Variants in URI1 observed in about 807,000 individuals in gnomAD.
The protein encoded by URI1 is URI1 prefoldin like chaperone, also known as unconventional prefoldin RPB5 interactor 1.
URI1 carries 39 observed loss-of-function variants against 60.2 expected under a neutral mutation model. The observed-to-expected ratio is 0.65, with a 90% CI of 0.50 to 0.85. The LOEUF is 0.85. URI1 is among the 40% of genes least tolerant of loss of function. The probability of loss-of-function intolerance (pLI) is 0.00; values close to 1 mark genes in which losing one functional copy is unlikely to be tolerated. For missense variants in URI1, 691 were observed against 665.9 expected, an observed-to-expected ratio of 1.04 and a Z score of -0.42; for synonymous variants, 251 against 236.8, an observed-to-expected ratio of 1.06 and a Z score of -0.55.
At chr19:29,979,606 G>T (rs2055567408) in intron 2 of URI1, among the ~76,000 whole-genome samples, 1 of 152,072 alleles carries the variant, frequency 6.6e-6, no homozygotes, top group South Asian at 2.1e-4. Context: ...TAGAATGTTA[G>T]CTGCATCTCT....
intron 4 of URI1, among the ~76,000 whole-genome samples, chr19:29,986,632 G>A (rs973602908): frequency 6.6e-6 from 1 of 152,062 alleles, no homozygotes. Flanking sequence ...ACCTACATTG[G>A]CATGTTTTCA....
chr19:30,016,387 A>G lies in URI1; in HGVS notation c.*1318A>G, dbSNP rs2056085894. On this transcript the variant is annotated 3_prime_UTR_variant, in exon 11 of 11. Transcript: ENST00000392271. ...TTTAGTAAATTTAGATCAACTATGC[A>G]TATATTTTGTAGGTAAATCTTTCAG... The G allele has an allele frequency of 6.6e-6, 1 of 152,134 alleles. No individual in the cohort carries two copies. The highest frequency in any genetic ancestry group is 1.5e-5 in the Non-Finnish European group (1 of 67,960). The allele number at this position is 152,134 out of a possible 1,614,324, so 9.4% of individuals were successfully genotyped here. A position where few individuals can be genotyped will look rare whatever the true frequency, so the allele number is the denominator to read the frequency against.
In URI1 at chr19:30,011,195, CCAGGAGCTGCCGACCAT is replaced by C; in HGVS notation, c.1143_1159del (p.Glu381AspfsTer11). On this transcript the variant is annotated frameshift_variant, in exon 9 of 11. Transcript: ENST00000392271. LOFTEE classifies it high-confidence loss of function. ...ACAGCACTGGCAGTGGCCACTCTGC[CCAGGAGCTGCCGACCAT>C]CAGGACGCCTGCAGACATTTACAGG... 3.1e-6 allele frequency: 5 copies of C among 1,610,820 alleles called. No homozygotes were observed. Among genetic ancestry groups the C allele is most frequent in the Non-Finnish European group, 4.2e-6 (5 of 1,178,836 alleles).
chr19:30,005,805 C>T, intron 6 of URI1, 97 bp downstream of exon 6: 2 of 1,147,838 alleles, frequency 1.7e-6, no homozygotes, highest in Non-Finnish European at 1.2e-6. Context: ...ATTTAGAATA[C>T]ACTTTTAAAT....
chr19:29,928,064 G>A (rs2054885390), intron 1 of URI1, among the ~76,000 whole-genome samples: 1 of 152,070 alleles, frequency 6.6e-6, no homozygotes, highest in African/African-American at 2.4e-5. Context: ...CCACATACAG[G>A]TGATCTGGTT....
chr19:29,980,037 G>C (rs558324900), intron 2 of URI1: 19 of 152,030 alleles, frequency 1.2e-4, no homozygotes, highest in African/African-American at 4.3e-4. Context: ...AATTTGTTTA[G>C]ATTGTTTAAA....
At chr19:29,985,426 G>A in intron 3 of URI1, 125 bp downstream of exon 3, 1 of 692,990 alleles carries the variant, frequency 1.4e-6, no homozygotes, top group African/African-American at 1.8e-5. Context: ...AGGAAGATTT[G>A]TTTTGTTTTA....
chr19:29,963,084 G>T (rs1397543842), intron 1 of URI1, among the ~76,000 whole-genome samples: 1 of 152,080 alleles, frequency 6.6e-6, no homozygotes, highest in Non-Finnish European at 1.5e-5. Context: ...TGTTAACTAT[G>T]TTGTGCCTTG....
Position 30,012,452 on chromosome 19 carries a change from G to T in URI1, c.1346G>T (p.Ser449Ile). ...RSISCEEATC[S>I]DTSESILEEE... ...ATCAGCTGCGAAGAAGCCACTTGCA[G>T]TGACACCAGTGAGAGCATTTTGGAA... Residue 449 changes from serine (S) to isoleucine (I), a missense_variant, in exon 10 of 11, where the codon AGT becomes ATT. By Grantham distance (142) the Ser-to-Ile change is moderately radical (BLOSUM62 -2). Transcript: ENST00000392271. The T allele has an allele frequency of 1.2e-6, 2 of 1,614,202 alleles. No homozygotes were observed. The highest frequency in any genetic ancestry group is 2.2e-5 in the South Asian group (2 of 91,088).
intron 1 of URI1, chr19:29,956,340 C>T: frequency 1.7e-6 from 1 of 575,326 alleles, no homozygotes; most frequent in Non-Finnish European, 2.8e-6. Flanking sequence ...TTTATTGCAT[C>T]ATTGAAATAT....
At chr19:29,985,725 G>A (rs2055660206) in intron 3 of URI1, among the ~76,000 whole-genome samples, 1 of 151,876 alleles carries the variant, frequency 6.6e-6, no homozygotes, top group Non-Finnish European at 1.5e-5. Flanking sequence ...TCTTCACATC[G>A]ACATAGTGAT....
intron 2 of URI1, among the ~76,000 whole-genome samples, chr19:29,982,410 G>T (rs1391157515): frequency 6.6e-6 from 1 of 150,828 alleles, no homozygotes; most frequent in Non-Finnish European, 1.5e-5. Flanking sequence ...TGAGGAAGTT[G>T]TTTTTTTTTC....
chr19:29,977,866 G>A (rs913838842), intron 2 of URI1, among the ~76,000 whole-genome samples: 1 of 151,932 alleles, frequency 6.6e-6, no homozygotes, highest in Admixed American at 6.6e-5. Context: ...TCTGAGTTAG[G>A]TTTTTAAATG....
At chr19:29,930,119 A>T (rs894317455) in intron 1 of URI1, among the ~76,000 whole-genome samples, 1 of 151,852 alleles carries the variant, frequency 6.6e-6, no homozygotes. Flanking sequence ...TTGTATTTTT[A>T]GTAGAGATGG....
At chr19:29,927,468 G>T (rs1314009389) in intron 1 of URI1, among the ~76,000 whole-genome samples, 1 of 150,070 alleles carries the variant, frequency 6.7e-6, no homozygotes, top group Non-Finnish European at 1.5e-5. Flanking sequence ...CACCATATTG[G>T]CCAGGCTGGT....
In URI1 at chr19:30,015,396, C is replaced by CT; in HGVS notation, c.*327_*328insT. The stretch of plus-strand genomic sequence containing the variant: ...TTTTGTGTTTCAAACTAAATACAGG[C>CT]AGTTTTGTGCCAGCTGTGATATTGT... On this transcript the variant is annotated 3_prime_UTR_variant, in exon 11 of 11. Transcript: ENST00000392271. 2.1e-6 allele frequency: 3 copies of CT among 1,434,714 alleles called. No individual in the cohort carries two copies. The highest frequency in any genetic ancestry group is 2.7e-6 in the Non-Finnish European group (3 of 1,102,200). The allele number at this position is 1,434,714 out of a possible 1,614,324, so 88.9% of individuals were successfully genotyped here.
intron 4 of URI1, among the ~76,000 whole-genome samples, chr19:29,999,164 TG>T (rs1169636281): frequency 6.6e-6 from 1 of 152,132 alleles, no homozygotes; most frequent in African/African-American, 2.4e-5. Context: ...AGATGTCCAG[TG>T]ATGTGTATTC....
At position 29,973,170 on chromosome 19, in the gene URI1, C is replaced by CT. The variant is rs552859135; in HGVS notation, c.152+1945dup. On this transcript the variant is annotated intron_variant, in intron 2 of 10. Transcript: ENST00000392271. ...AATTCTTGTGATATTTTTGCATTCT[C>CT]TTAATTCCTCAAACAATAGTTGAGT... 2.0e-4 allele frequency among the ~76,000 whole-genome samples: 30 copies of CT among 152,202 alleles called. No individual in the cohort carries two copies. In the East Asian group the frequency reaches 4.8e-3, roughly 24 times the overall value.
intron 4 of URI1, among the ~76,000 whole-genome samples, chr19:29,990,837 G>A (rs1242085989): frequency 6.6e-6 from 1 of 152,116 alleles, no homozygotes; most frequent in Non-Finnish European, 1.5e-5. Flanking sequence ...CCATCAAATT[G>A]TACATTTTAA....
Sources: gnomAD v4.1 joint callset for allele counts (sites outside exome capture counted in the v4.1 genomes callset) on GRCh38, gnomAD v4.1.1 for gene constraint, MANE v1.5 for transcripts, NCBI Gene and HGNC (gene_info 2026-07-23, HGNC 2026-07-21) for gene names.